ESR2: variants seen among roughly 807,000 people sequenced by gnomAD.
ESR2 encodes the protein estrogen receptor 2, also known as estrogen receptor beta.
A neutral mutation model predicts 49.6 loss-of-function variants in ESR2; 36 were observed. The observed-to-expected ratio is 0.73, with a 90% CI of 0.56 to 0.96. ESR2 has a LOEUF of 0.96. Among genes scored for constraint, ESR2 ranks in the 40% least tolerant of loss-of-function variants. ESR2 has a pLI of 0.00. For missense variants in ESR2, 714 were observed against 693.0 expected (o/e 1.03, Z -0.34); for synonymous variants, 320 against 266.1 (o/e 1.20, Z -1.97).
rs1252019678 is a variant in ESR2, at chr14:64,230,929, T to C, written c.*2208A>G. On this transcript the variant is annotated 3_prime_UTR_variant, in exon 9 of 9. Coordinates refer to ENST00000341099, the MANE Select transcript of ESR2 (RefSeq NM_001437.3). ...TTTTTTTTTTTTTTGAGACAGGGTCTCCCTCTGTCACCCAGGCTGGAGTGC... is the reference window on the plus strand; with the variant it reads ...TTTTTTTTTTTTTTGAGACAGGGTCCCCCTCTGTCACCCAGGCTGGAGTGC... 7.2e-6 allele frequency: 1 copy of C among 137,962 alleles called. No homozygotes were observed. Among genetic ancestry groups the C allele is most frequent in the Non-Finnish European group, 1.5e-5 (1 of 65,788 alleles). 8.5% of individuals were successfully genotyped at this position (137,962 alleles called of 1,614,324 possible). A position where few individuals can be genotyped will look rare whatever the true frequency, so the allele number is the denominator to read the frequency against.
intron 6 of ESR2, among the ~76,000 whole-genome samples, chr14:64,250,241 T>C (rs533301017): frequency 2.6e-5 from 4 of 152,100 alleles, no homozygotes; most frequent in Middle Eastern, 3.4e-3. Flanking sequence ...AAGCTGACTA[T>C]GAGAAAGAAA....
rs2077518897 is a variant in ESR2, at chr14:64,335,547, A to T, written c.-91+2351T>A. On this transcript the variant is annotated intron_variant, in intron 1 of 8. Transcript: ENST00000358599. ...GGACTCCCTTCTTCTTTGTATAAGG[A>T]CACTACTCCCATCGTGGGGGCCCCA... Among the ~76,000 whole-genome samples the T allele has an allele frequency of 2.0e-5, 3 of 152,162 alleles. No homozygotes were observed. In the South Asian group the frequency reaches 6.2e-4, roughly 32 times the overall value.
rs949939835 is a variant in ESR2, at chr14:64,307,598, G to A, written c.-90-24523C>T. 5.3e-5 allele frequency among the ~76,000 whole-genome samples: 8 copies of A among 151,980 alleles called. No homozygotes were observed. The South Asian group carries it at 8.3e-4, about 16-fold the overall frequency. On this transcript the variant is annotated intron_variant, in intron 1 of 8. Transcript: ENST00000358599. ...CGCCCAGGCTGGAGTGCAGTGGCAC[G>A]ATCTCAGCTCACTGCAATCTCCGCC...
intron 3 of ESR2, among the ~76,000 whole-genome samples, chr14:64,274,070 G>A (rs1258822422): frequency 2.0e-5 from 3 of 151,744 alleles, no homozygotes; most frequent in Admixed American, 2.0e-4. Context: ...CTCCTGAAGA[G>A]CTGGGACTAC....
intron 6 of ESR2, among the ~76,000 whole-genome samples, chr14:64,255,110 T>C (rs1185622944): frequency 1.3e-5 from 2 of 150,782 alleles, no homozygotes; most frequent in African/African-American, 2.4e-5. Flanking sequence ...AATGGGAGAG[T>C]GGAGAGTTAA....
chr14:64,273,590 T>C (rs1426735110), intron 3 of ESR2, among the ~76,000 whole-genome samples: 1 of 134,904 alleles, frequency 7.4e-6, no homozygotes, highest in African/African-American at 3.5e-5. Context: ...ATTCTGTCGA[T>C]ATGGTGCATC....
At chr14:64,227,704 G>A, downstream of ESR2, 1 of 1,598,954 alleles carries the variant, frequency 6.3e-7, no homozygotes, top group South Asian at 1.1e-5. Context: ...GTCAATTTTT[G>A]TCTCTTCCTC....
At chr14:64,238,084 TAAAAG>T (rs1299699638) in intron 7 of ESR2, among the ~76,000 whole-genome samples, 1 of 152,172 alleles carries the variant, frequency 6.6e-6, no homozygotes, top group Non-Finnish European at 1.5e-5. Context: ...ATAATAATAA[TAAAAG>T]AACGCCTCAG....
chr14:64,272,923 T>A (rs1335747620), intron 3 of ESR2, among the ~76,000 whole-genome samples: 1 of 152,202 alleles, frequency 6.6e-6, no homozygotes, highest in Non-Finnish European at 1.5e-5. Flanking sequence ...GGTATTTTGA[T>A]AAAATTGCAC....
At chr14:64,265,970 G>T (rs1241200959) in intron 4 of ESR2, among the ~76,000 whole-genome samples, 2 of 152,180 alleles carry the variant, frequency 1.3e-5, no homozygotes, top group Non-Finnish European at 2.9e-5. Flanking sequence ...ACAGAGTTAA[G>T]AAAGTTCATC....
In ESR2 at chr14:64,229,224, C is replaced by G. The variant is rs953195871; in HGVS notation, c.*3913G>C. Among the ~76,000 whole-genome samples, 26 of 152,084 alleles carry G rather than the reference C, an allele frequency of 1.7e-4. No homozygotes were observed. The highest frequency in any genetic ancestry group is 3.2e-4 in the Non-Finnish European group (22 of 68,002). On this transcript the variant is annotated 3_prime_UTR_variant, in exon 9 of 9. Transcript: ENST00000341099. ...GAGGAGATGGGATCTAAAGGTACAG[C>G]AGAAGACAACCCTAACTTCACCGCC...
At chr14:64,319,193 G>A (rs61509785) in intron 1 of ESR2, among the ~76,000 whole-genome samples, 4 of 152,254 alleles carry the variant, frequency 2.6e-5, no homozygotes, top group African/African-American at 7.2e-5. Context: ...CATGGTACTA[G>A]AACAACTACA....
intron 7 of ESR2, 53 bp from the exon 8 acceptor site, chr14:64,235,203 T>G (rs943217947): frequency 3.2e-6 from 5 of 1,576,598 alleles, no homozygotes; most frequent in African/African-American, 2.7e-5. Context: ...GGAGCAGAAG[T>G]CGTGTGCTCA....
intron 1 of ESR2, among the ~76,000 whole-genome samples, chr14:64,299,526 A>AT (rs2076999079): frequency 6.6e-6 from 1 of 151,588 alleles, no homozygotes; most frequent in Non-Finnish European, 1.5e-5. Context: ...CACCCGGCTA[A>AT]TTTTTTTGTA....
chr14:64,227,276 G>A (rs1388629576), downstream of ESR2: 22 of 504,396 alleles, frequency 4.4e-5, no homozygotes, highest in Non-Finnish European at 7.3e-5. Context: ...TGCCCCTCAT[G>A]GGTGAGACAT....
intron 1 of ESR2, among the ~76,000 whole-genome samples, chr14:64,286,112 G>C (rs938003143): frequency 3.3e-5 from 5 of 152,040 alleles, no homozygotes; most frequent in Admixed American, 6.6e-5. Context: ...GAAGAGGCAG[G>C]ACAGACCAGG....
chr14:64,279,228 C>T (rs555365378), intron 3 of ESR2, among the ~76,000 whole-genome samples: 1 of 152,242 alleles, frequency 6.6e-6, no homozygotes, highest in African/African-American at 2.4e-5. Flanking sequence ...CCTTATGTCT[C>T]CCTAAAATGT....
At chr14:64,247,892 A>G (rs2075897994) in intron 7 of ESR2, among the ~76,000 whole-genome samples, 1 of 152,238 alleles carries the variant, frequency 6.6e-6, no homozygotes, top group African/African-American at 2.4e-5. Flanking sequence ...TGAACAATTT[A>G]GTATAATGCC....
intron 1 of ESR2, among the ~76,000 whole-genome samples, chr14:64,285,848 A>C (rs111712579): frequency 0.056 from 8,437 of 151,084 alleles, 590 homozygotes; most frequent in African/African-American, 0.16. Context: ...AAAAAGAAAA[A>C]GAAAAAGAAA....
Sources: allele counts gnomAD v4.1 joint callset (sites outside exome capture counted in the v4.1 genomes callset), GRCh38; gene constraint gnomAD v4.1.1; transcripts MANE v1.5; gene names NCBI Gene and HGNC (gene_info 2026-07-23, HGNC 2026-07-21).